Variants in DSCAM observed in about 807,000 individuals in gnomAD.
The protein encoded by DSCAM is cell adhesion molecule DSCAM.
In DSCAM, 47 loss-of-function variants were observed where a neutral mutation model predicts 217.7. The ratio of observed to expected loss-of-function variants is 0.22; its 90% CI spans 0.17 to 0.28. The LOEUF (loss-of-function observed/expected upper bound fraction) is 0.28. DSCAM is among the 10% of genes least tolerant of loss of function. The probability of loss-of-function intolerance (pLI) is 1.00; values close to 1 mark genes in which losing one functional copy is unlikely to be tolerated. For synonymous variants in DSCAM, 1,056 were observed against 1,015.3 expected, an observed-to-expected ratio of 1.04 and a Z score of -0.76; for missense variants, 2,080 against 2,618.3, an observed-to-expected ratio of 0.79 and a Z score of 4.49.
chr21:40,781,504 C>T (rs1237067087), intron 1 of DSCAM, among the ~76,000 whole-genome samples: 1 of 152,124 alleles, frequency 6.6e-6, no homozygotes, highest in Non-Finnish European at 1.5e-5. Context: ...TTCAACCACA[C>T]GTAGCTTGAT....
intron 1 of DSCAM, among the ~76,000 whole-genome samples, chr21:40,726,647 C>T (rs901009331): frequency 6.6e-6 from 1 of 152,138 alleles, no homozygotes; most frequent in Non-Finnish European, 1.5e-5. Flanking sequence ...CCCAAACCAA[C>T]CCTATGCGGA....
chr21:40,415,792 C>T (rs940230800), intron 3 of DSCAM, among the ~76,000 whole-genome samples: 1 of 152,104 alleles, frequency 6.6e-6, no homozygotes, highest in African/African-American at 2.4e-5. Flanking sequence ...ACACTGCTTC[C>T]CCTCTCTAAA....
chr21:40,164,161 A>G (rs1433102731), intron 16 of DSCAM, among the ~76,000 whole-genome samples: 2 of 152,220 alleles, frequency 1.3e-5, no homozygotes, highest in Non-Finnish European at 2.9e-5. Context: ...TCCCTGAGCC[A>G]TCGCCAAGAG....
At chr21:40,822,021 TAA>T (rs376630916) in intron 1 of DSCAM, among the ~76,000 whole-genome samples, 1,366 of 129,414 alleles carry the variant, frequency 0.011, 17 homozygotes, top group African/African-American at 0.036. Context: ...AAATAAAAGT[TAA>T]AAAAAAAAAA....
chr21:40,708,505 C>T lies in DSCAM; in HGVS notation c.310G>A (p.Ala104Thr), dbSNP rs778941561. ...CTAATTTTCCCTGAAGGATTTTCAG[C>T]TGTGCAATAATAAGTATTATCATGG... Reference protein sequence around the residue: ...LIHDNTYYCTAENPSGKIRSQ... With the variant: ...LIHDNTYYCTTENPSGKIRSQ... Residue 104 changes from alanine to threonine, a missense_variant, in exon 2 of 33, where the codon GCT becomes ACT. Ala to Thr is a moderately conservative substitution (Grantham distance 58). This residue lies in a region of DSCAM where 568 missense variants were observed against 678.1 expected (regional missense o/e 0.84). Coordinates refer to ENST00000400454, the MANE Select transcript of DSCAM (RefSeq NM_001389.5). The T allele has an allele frequency of 5.9e-6, 9 of 1,522,290 alleles. No individual in the cohort carries two copies. The South Asian group carries it at 1.2e-4, about 21-fold the overall frequency. The allele number at this position is 1,522,290 out of a possible 1,614,324, so 94.3% of individuals were successfully genotyped here.
At chr21:40,837,594 G>A (rs937896148) in intron 1 of DSCAM, among the ~76,000 whole-genome samples, 7 of 152,202 alleles carry the variant, frequency 4.6e-5, no homozygotes, top group South Asian at 2.1e-4. Flanking sequence ...TTAAGGACCC[G>A]GATAGAGGTT....
intron 3 of DSCAM, among the ~76,000 whole-genome samples, chr21:40,666,268 C>T (rs2090198245): frequency 6.6e-6 from 1 of 152,076 alleles, no homozygotes; most frequent in Non-Finnish European, 1.5e-5. Context: ...CTGTGCATGC[C>T]CAGCCCTGAG....
chr21:40,396,827 T>C (rs1416744929), intron 3 of DSCAM, among the ~76,000 whole-genome samples: 1 of 152,150 alleles, frequency 6.6e-6, no homozygotes, highest in African/African-American at 2.4e-5. Context: ...AAATTGACCC[T>C]CCCAGTCTTA....
intron 3 of DSCAM, among the ~76,000 whole-genome samples, chr21:40,511,148 G>A (rs2146060015): frequency 6.6e-6 from 1 of 152,188 alleles, no homozygotes; most frequent in Non-Finnish European, 1.5e-5. Context: ...TTCTCTTCAT[G>A]GTATGTTGCT....
At chr21:40,053,962 T>C (rs78649918) in intron 29 of DSCAM, among the ~76,000 whole-genome samples, 3,454 of 152,356 alleles carry the variant, frequency 0.023, 137 homozygotes, top group African/African-American at 0.08. Flanking sequence ...ACAAACTATG[T>C]AACCTCTCTG....
chr21:40,273,644 T>C (rs1416040675), intron 11 of DSCAM, among the ~76,000 whole-genome samples: 2 of 152,192 alleles, frequency 1.3e-5, no homozygotes, highest in African/African-American at 4.8e-5. Flanking sequence ...CGTAGTTTCT[T>C]AGTCAACTGG....
At chr21:40,268,322 G>C (rs1379950324) in intron 11 of DSCAM, among the ~76,000 whole-genome samples, 1 of 152,140 alleles carries the variant, frequency 6.6e-6, no homozygotes, top group Non-Finnish European at 1.5e-5. Flanking sequence ...GGTCTGGTCA[G>C]GGGCAGCCAG....
chr21:40,593,787 T>C (rs1407860095), intron 3 of DSCAM, among the ~76,000 whole-genome samples: 1 of 152,180 alleles, frequency 6.6e-6, no homozygotes, highest in Admixed American at 6.5e-5. Flanking sequence ...ACACAGGAAA[T>C]GGAGGTTGAA....
intron 1 of DSCAM, among the ~76,000 whole-genome samples, chr21:40,816,046 T>C (rs2091878693): frequency 6.6e-6 from 1 of 152,210 alleles, no homozygotes; most frequent in Non-Finnish European, 1.5e-5. Context: ...AATCCACAGT[T>C]CCTGCTTCCA....
chr21:40,265,565 T>C (rs1436712389), intron 11 of DSCAM, among the ~76,000 whole-genome samples: 1 of 152,094 alleles, frequency 6.6e-6, no homozygotes. Flanking sequence ...GATTTATTCT[T>C]AGAATCACAT....
intron 32 of DSCAM, among the ~76,000 whole-genome samples, chr21:40,033,512 T>A (rs1263841287): frequency 6.6e-6 from 1 of 151,418 alleles, no homozygotes; most frequent in Non-Finnish European, 1.5e-5. Context: ...CGCACCTGGC[T>A]TGGAGGGTCC....
chr21:40,051,636 A>C (rs569604438), intron 30 of DSCAM, among the ~76,000 whole-genome samples: 83 of 152,320 alleles, frequency 5.4e-4, no homozygotes, highest in Middle Eastern at 3.4e-3. Context: ...GTTCTATCCC[A>C]ATACTGGCAT....
chr21:40,307,981 C>T (rs7277891), intron 9 of DSCAM, among the ~76,000 whole-genome samples: 9,462 of 150,796 alleles, frequency 0.063, 709 homozygotes, highest in East Asian at 0.26. Flanking sequence ...ATACCTAATG[C>T]TAGATGACGA....
chr21:40,561,968 G>A (rs533715829), intron 3 of DSCAM, among the ~76,000 whole-genome samples: 10 of 152,226 alleles, frequency 6.6e-5, no homozygotes, highest in African/African-American at 2.2e-4. Flanking sequence ...AAGTGACTTC[G>A]GTGACATTTT....
Sources: allele counts gnomAD v4.1 joint callset (sites outside exome capture counted in the v4.1 genomes callset), GRCh38; gene constraint gnomAD v4.1.1; regional missense constraint gnomAD v4.1.1; transcripts MANE v1.5; gene names NCBI Gene and HGNC (gene_info 2026-07-23, HGNC 2026-07-21).